Variants in SMC6 observed in about 807,000 individuals in gnomAD.
The protein encoded by SMC6 is structural maintenance of chromosomes 6, also known as structural maintenance of chromosomes protein 6.
Under a neutral mutation model 142.2 loss-of-function variants are expected in SMC6, and 79 were observed. The ratio of observed to expected loss-of-function variants is 0.56; its 90% CI spans 0.46 to 0.67. The LOEUF (loss-of-function observed/expected upper bound fraction) is 0.67, where lower values mean the gene tolerates loss of function less well. SMC6 is among the 30% of genes least tolerant of loss of function. SMC6 has a pLI of 0.00. For missense variants in SMC6, 1,072 were observed against 1,284.0 expected (o/e 0.83, Z 2.52); for synonymous variants, 411 against 412.4 (o/e 1.00, Z 0.04).
At chr2:17,750,538 T>C (rs112799547) in intron 2 of SMC6, among the ~76,000 whole-genome samples, 24 of 152,318 alleles carry the variant, frequency 1.6e-4, no homozygotes, top group African/African-American at 5.8e-4. Flanking sequence ...AGCTCTAACA[T>C]AGCAGAGCTC....
At chr2:17,752,910 G>A (rs1671132207) in intron 2 of SMC6, 68 bp downstream of exon 2, 1 of 464,712 alleles carries the variant, frequency 2.2e-6, no homozygotes, top group Non-Finnish European at 2.8e-6. Context: ...AGTAATAAGC[G>A]CTCACAAAAC....
chr2:17,725,274 T>C lies in SMC6; in HGVS notation c.709A>G (p.Ile237Val). ...TTACAAACCTCTTCTCCTTGATGTA[T>C]CTGCTCCTTTGTTCTTTCTTTCGTT... ...METKERTKEQ[I>V]HQGEERLTEL... Residue 237 changes from isoleucine (I) to valine (V), a missense_variant, in exon 9 of 28, where the codon ATA (isoleucine) becomes GTA (valine). This residue lies in a region of SMC6 where 994 missense variants were observed against 1,153.2 expected (regional missense o/e 0.86). Transcript: ENST00000448223. 6.2e-7 allele frequency: 1 copy of C among 1,607,316 alleles called. No homozygotes were observed. Among genetic ancestry groups the C allele is most frequent in the Non-Finnish European group, 8.5e-7 (1 of 1,178,202 alleles).
In SMC6 at chr2:17,718,986, G is replaced by T. The variant is rs1446843750; in HGVS notation, c.946-763C>A. Among the ~76,000 whole-genome samples the T allele has an allele frequency of 2.0e-5, 3 of 152,098 alleles. No individual in the cohort carries two copies. The East Asian group carries it at 5.8e-4, about 29-fold the overall frequency. ...TTTCAGTAAGAAGTTAATATATTAT[G>T]GAACAAAGACAATTAGGGACCAAAC... is the stretch of plus-strand genomic sequence containing the variant. On this transcript the variant is annotated intron_variant, in intron 11 of 27. Coordinates refer to ENST00000448223, the MANE Select transcript of SMC6 (RefSeq NM_001142286.2).
chr2:17,705,355 C>T (rs1287613529), intron 18 of SMC6, among the ~76,000 whole-genome samples: 1 of 151,726 alleles, frequency 6.6e-6, no homozygotes, highest in Admixed American at 6.6e-5. Context: ...GGTGGGTAGA[C>T]CACTTGAAGC....
intron 19 of SMC6, among the ~76,000 whole-genome samples, chr2:17,702,463 C>A (rs948532387): frequency 6.6e-6 from 1 of 152,150 alleles, no homozygotes; most frequent in Non-Finnish European, 1.5e-5. Flanking sequence ...TAAACTTGGA[C>A]ATCAGATACT....
Position 17,718,097 on chromosome 2 carries a change from T to C in SMC6, c.1072A>G (p.Arg358Gly). The stretch of plus-strand genomic sequence containing the variant: ...CTCACCTCAGCTTCATTATAGGCCC[T>C]TTTCTTAGCAACAACATCTGCTTTC... ...ALKADVVAKK[R>G]AYNEAEVLYN... The change falls in exon 12 of 28, where the codon AGG (arginine) becomes GGG (glycine). Residue 358 changes from arginine (R) to glycine (G), a missense_variant. Around this residue, in one of 3 missense-constraint regions of SMC6, gnomAD observed 994 missense variants for 1,153.2 expected, o/e 0.86. Transcript: ENST00000448223. 6.2e-7 allele frequency: 1 copy of C among 1,609,070 alleles called. No homozygotes were observed. Among genetic ancestry groups the C allele is most frequent in the Non-Finnish European group, 8.5e-7 (1 of 1,177,346 alleles).
chr2:17,728,383 G>A (rs78691720), intron 7 of SMC6, among the ~76,000 whole-genome samples: 6 of 152,086 alleles, frequency 3.9e-5, no homozygotes, highest in African/African-American at 9.7e-5. Context: ...GCAGGGAGTC[G>A]TGATCATGCT....
At chr2:17,719,007 C>T (rs1417309757) in intron 11 of SMC6, among the ~76,000 whole-genome samples, 2 of 152,056 alleles carry the variant, frequency 1.3e-5, no homozygotes, top group Non-Finnish European at 2.9e-5. Flanking sequence ...AATTAGGGAC[C>T]AAACTGGGAT....
intron 21 of SMC6, among the ~76,000 whole-genome samples, chr2:17,699,958 T>G (rs780495574): frequency 1.3e-5 from 2 of 150,700 alleles, no homozygotes; most frequent in Non-Finnish European, 3.0e-5. Context: ...CATAAAAAGG[T>G]GAAAAAAAAA....
chr2:17,667,731 T>C (rs1666565970), intron 26 of SMC6, among the ~76,000 whole-genome samples: 1 of 152,070 alleles, frequency 6.6e-6, no homozygotes, highest in Non-Finnish European at 1.5e-5. Context: ...ACACCTGTAA[T>C]CCCAGCTACT....
chr2:17,715,945 A>G, intron 15 of SMC6, 141 bp downstream of exon 15: 1 of 716,176 alleles, frequency 1.4e-6, no homozygotes. Flanking sequence ...CTTTAAAAAT[A>G]TAAAACGAAA....
At chr2:17,667,938 G>T (rs919781050) in intron 26 of SMC6, among the ~76,000 whole-genome samples, 1 of 152,184 alleles carries the variant, frequency 6.6e-6, no homozygotes, top group Non-Finnish European at 1.5e-5. Flanking sequence ...GTCAAAATGG[G>T]ATACACATCC....
At chr2:17,667,503 A>C (rs559143949) in intron 26 of SMC6, among the ~76,000 whole-genome samples, 5 of 152,204 alleles carry the variant, frequency 3.3e-5, no homozygotes, top group African/African-American at 4.8e-5. Context: ...AAAATTCCTA[A>C]AAGTTGAAAT....
intron 2 of SMC6, among the ~76,000 whole-genome samples, chr2:17,748,874 C>CT (rs1670879940): frequency 6.6e-6 from 1 of 152,250 alleles, no homozygotes; most frequent in South Asian, 2.1e-4. Flanking sequence ...ATGTGATACG[C>CT]TTCTCACAAG....
At chr2:17,710,699 T>C (rs1223628844) in intron 16 of SMC6, among the ~76,000 whole-genome samples, 1 of 152,118 alleles carries the variant, frequency 6.6e-6, no homozygotes, top group Non-Finnish European at 1.5e-5. Context: ...TAAGTAAAAT[T>C]AGTGAAGAGT....
At chr2:17,718,020 C>T (rs1039322457) in intron 12 of SMC6, 57 bp downstream of exon 12, 2 of 1,490,530 alleles carry the variant, frequency 1.3e-6, no homozygotes, top group African/African-American at 2.8e-5. Context: ...GATAGAAGAA[C>T]AGCCTTTATA....
In SMC6 at chr2:17,745,821, G is replaced by A. The variant is rs200450909; in HGVS notation, c.120+6C>T. The stretch of plus-strand genomic sequence containing the variant: ...AAAAAGCATAATTTTGTAATTTTTC[G>A]CTTACCAAAGTAGTACCTTTACATT... On this transcript the variant is annotated splice_donor_region_variant and intron_variant, in intron 3 of 27. Transcript: ENST00000448223. 3.7e-4 allele frequency: 589 copies of A among 1,588,786 alleles called. No individual in the cohort carries two copies. Among genetic ancestry groups the A allele is most frequent in the Non-Finnish European group, 1.2e-4 (138 of 1,170,580 alleles).
Position 17,728,738 on chromosome 2 carries a change from G to A in SMC6, c.544-2269C>T, listed in dbSNP as rs1669753634. ...CCAACAATGTCCAAGAAAAATATAC[G>A]CCAAGTCACACACAATTTTTTTTTT... On this transcript the variant is annotated intron_variant, in intron 7 of 27. Transcript: ENST00000448223. 2.1e-5 allele frequency among the ~76,000 whole-genome samples: 3 copies of A among 146,174 alleles called. No individual in the cohort carries two copies. In the South Asian group the frequency reaches 6.3e-4, roughly 31 times the overall value.
At chr2:17,679,588 T>C (rs911724145) in intron 24 of SMC6, 1 of 152,312 alleles carries the variant, frequency 6.6e-6, no homozygotes, top group East Asian at 1.9e-4. Flanking sequence ...TCAGAATAGA[T>C]TAGGGAGTCT....
Sources: gnomAD v4.1 joint callset for allele counts (sites outside exome capture counted in the v4.1 genomes callset) on GRCh38, gnomAD v4.1.1 for gene constraint, gnomAD v4.1.1 regional missense constraint, MANE v1.5 for transcripts, NCBI Gene and HGNC (gene_info 2026-07-23, HGNC 2026-07-21) for gene names.